PCBP3: variants seen among roughly 807,000 people sequenced by gnomAD.
PCBP3 encodes poly(rC)-binding protein 3.
A neutral mutation model predicts 52.7 loss-of-function variants in PCBP3; 25 were observed. The observed-to-expected ratio is 0.47, with a 90% CI of 0.35 to 0.66. The LOEUF (loss-of-function observed/expected upper bound fraction) is 0.66, where lower values mean the gene tolerates loss of function less well. Among genes scored for constraint, PCBP3 ranks in the 30% least tolerant of loss-of-function variants. PCBP3 has a pLI of 0.01. For missense variants in PCBP3, 391 were observed against 490.3 expected, an observed-to-expected ratio of 0.80 and a Z score of 1.91; for synonymous variants, 162 against 183.0, an observed-to-expected ratio of 0.89 and a Z score of 0.93.
At chr21:45,912,318 C>G (rs2096412755) in intron 11 of PCBP3, among the ~76,000 whole-genome samples, 1 of 152,226 alleles carries the variant, frequency 6.6e-6, no homozygotes, top group Non-Finnish European at 1.5e-5. Flanking sequence ...TGCTGCATCC[C>G]AAGTCCCAGG....
intron 15 of PCBP3, among the ~76,000 whole-genome samples, chr21:45,932,343 G>A (rs1345712740): frequency 6.6e-6 from 1 of 151,538 alleles, no homozygotes; most frequent in Non-Finnish European, 1.5e-5. Context: ...CAGCCATGCT[G>A]TCCTGAGATG....
At chr21:45,750,442 C>T (rs1454240295) in intron 3 of PCBP3, 5 of 138,740 alleles carry the variant, frequency 3.6e-5, no homozygotes, top group African/African-American at 5.2e-5. Flanking sequence ...CTTCATTCAC[C>T]GCTGTCCTAG....
intron 2 of PCBP3, among the ~76,000 whole-genome samples, chr21:45,726,920 A>G (rs562428002): frequency 2.6e-5 from 4 of 152,196 alleles, no homozygotes; most frequent in African/African-American, 9.6e-5. Flanking sequence ...TATATTCTGG[A>G]TACAGTCTTT....
At chr21:45,848,628 A>G (rs2093874683) in intron 4 of PCBP3, among the ~76,000 whole-genome samples, 1 of 151,740 alleles carries the variant, frequency 6.6e-6, no homozygotes, top group African/African-American at 2.4e-5. Context: ...ATTCTCTTTC[A>G]TTTCTGTCCT....
intron 4 of PCBP3, among the ~76,000 whole-genome samples, chr21:45,756,087 T>C (rs1302789833): frequency 6.6e-6 from 1 of 152,152 alleles, no homozygotes; most frequent in African/African-American, 2.4e-5. Context: ...CTATTCCCCA[T>C]CCCCCATCCA....
At chr21:45,897,774 G>A (rs1250973482) in intron 6 of PCBP3, among the ~76,000 whole-genome samples, 4 of 152,050 alleles carry the variant, frequency 2.6e-5, no homozygotes, top group African/African-American at 4.8e-5. Flanking sequence ...GTGGGTCCTG[G>A]GCTGCTGTGG....
In PCBP3 at chr21:45,762,503, T is replaced by G. The variant is rs1045432426; in HGVS notation, c.-126+7051T>G. The G allele has an allele frequency of 4.9e-5, 7 of 143,420 alleles. 1 individual carries two copies. The highest frequency in any genetic ancestry group is 1.5e-4 in the African/African-American group (6 of 39,426). 8.9% of individuals were successfully genotyped at this position (143,420 alleles called of 1,614,324 possible). A position where few individuals can be genotyped will look rare whatever the true frequency, so the allele number is the denominator to read the frequency against. ...TTTCTTTTCTTCTCTTTTTTTTTTT[T>G]TTTTGAGACAGAGTCTCACTCTGTC... On this transcript the variant is annotated intron_variant, in intron 4 of 17. Transcript: ENST00000681687.
At chr21:45,824,250 A>C (rs1442165000) in intron 4 of PCBP3, among the ~76,000 whole-genome samples, 1 of 152,154 alleles carries the variant, frequency 6.6e-6, no homozygotes, top group Non-Finnish European at 1.5e-5. Flanking sequence ...GGATCACATC[A>C]CTGCCCTCAG....
chr21:45,930,690 C>G, intron 14 of PCBP3, 96 bp from the exon 15 acceptor site: 1 of 648,856 alleles, frequency 1.5e-6, no homozygotes, highest in South Asian at 1.8e-5. Flanking sequence ...AGCGCCGGTG[C>G]GTGCGCCAGT....
At chr21:45,763,847 C>G (rs970186277) in intron 4 of PCBP3, 2 of 152,510 alleles carry the variant, frequency 1.3e-5, no homozygotes, top group South Asian at 2.1e-4. Flanking sequence ...TCATGGCACT[C>G]CCTCCCTTTG....
At chr21:45,846,330 A>G (rs921354795) in intron 4 of PCBP3, among the ~76,000 whole-genome samples, 1 of 152,050 alleles carries the variant, frequency 6.6e-6, no homozygotes, top group African/African-American at 2.4e-5. Context: ...CTGGTCTTGC[A>G]TTGTTAGCAT....
chr21:45,896,286 G>A lies in PCBP3; in HGVS notation c.89G>A (p.Gly30Asp). 6.4e-7 allele frequency: 1 copy of A among 1,552,260 alleles called. No homozygotes were observed. The highest frequency in any genetic ancestry group is 8.7e-7 in the Non-Finnish European group (1 of 1,147,128). The part of the protein sequence containing the change: ...TLSHHPQPQF[G>D]RRMESKVSEG... ...AGCCACCACCCTCAGCCACAATTTG[G>A]CAGAAGGATGGAGTCCAAGGTCTCA... The change falls in exon 6 of 18, where the codon GGC (glycine) becomes GAC (aspartate). Residue 30 changes from glycine (G) to aspartate (D), a missense_variant. Coordinates refer to ENST00000681687, the MANE Select transcript of PCBP3 (RefSeq NM_001384156.1).
intron 9 of PCBP3, among the ~76,000 whole-genome samples, chr21:45,906,946 G>A (rs1246095966): frequency 1.3e-5 from 2 of 152,198 alleles, no homozygotes; most frequent in East Asian, 1.9e-4. Flanking sequence ...GGAGGATGAC[G>A]TGAGACCTTT....
chr21:45,670,921 T>C (rs1463732916), intron 2 of PCBP3, among the ~76,000 whole-genome samples: 2 of 152,192 alleles, frequency 1.3e-5, no homozygotes, highest in Non-Finnish European at 2.9e-5. Flanking sequence ...TGCCATCTGC[T>C]ACGGAGGTGG....
intron 1 of PCBP3, among the ~76,000 whole-genome samples, chr21:45,646,393 CACTG>C (rs1378399498): frequency 6.6e-6 from 1 of 152,036 alleles, no homozygotes; most frequent in East Asian, 1.9e-4. Context: ...AGTAACAAAT[CACTG>C]ACATTAAATG....
chr21:45,896,559 T>G (rs866124826), intron 6 of PCBP3, among the ~76,000 whole-genome samples, 197 bp downstream of exon 6: 3 of 128,666 alleles, frequency 2.3e-5, no homozygotes, highest in African/African-American at 1.2e-4. Flanking sequence ...CGGGCCATTG[T>G]CTCTGTAGGA....
chr21:45,745,344 C>T (rs1284450172), intron 3 of PCBP3, among the ~76,000 whole-genome samples: 6 of 152,088 alleles, frequency 3.9e-5, no homozygotes, highest in Non-Finnish European at 8.8e-5. Flanking sequence ...CCAGACCCAC[C>T]AGCTTTATTT....
intron 5 of PCBP3, among the ~76,000 whole-genome samples, chr21:45,860,179 C>G (rs1723): frequency 1.1e-4 from 1 of 8,976 alleles, no homozygotes; most frequent in African/African-American, 9.4e-4. Context: ...AGCCGACATC[C>G]GGGCTGTGGC....
At chr21:45,903,053 G>T (rs1045535771) in intron 9 of PCBP3, among the ~76,000 whole-genome samples, 1 of 152,172 alleles carries the variant, frequency 6.6e-6, no homozygotes, top group Non-Finnish European at 1.5e-5. Flanking sequence ...TAGAATTAGG[G>T]TCTTTGTACA....
Sources: allele counts gnomAD v4.1 joint callset (sites outside exome capture counted in the v4.1 genomes callset), GRCh38; gene constraint gnomAD v4.1.1; transcripts MANE v1.5; gene names NCBI Gene and HGNC (gene_info 2026-07-23, HGNC 2026-07-21).